VASP: variants seen among roughly 807,000 people sequenced by gnomAD.
VASP encodes the protein vasodilator stimulated phosphoprotein.
VASP carries 27 observed loss-of-function variants against 54.4 expected under a neutral mutation model. That is an observed-to-expected ratio of 0.50 (90% CI 0.37 to 0.68). VASP has a LOEUF of 0.68. Ranked by LOEUF, VASP falls within the 30% of genes least tolerant of loss-of-function variation. VASP has a pLI of 0.00. For missense variants in VASP, 488 were observed against 528.3 expected, an observed-to-expected ratio of 0.92 and a Z score of 0.75; for synonymous variants, 233 against 209.8, an observed-to-expected ratio of 1.11 and a Z score of -0.96.
chr19:45,518,362 G>A lies in VASP; in HGVS notation c.343+268G>A, dbSNP rs575305316. Among the ~76,000 whole-genome samples the A allele has an allele frequency of 5.3e-5, 8 of 152,242 alleles. No individual in the cohort carries two copies. The East Asian group carries it at 1.5e-3, about 29-fold the overall frequency. On this transcript the variant is annotated intron_variant, in intron 3 of 12. Transcript: ENST00000245932. ...GCACACGGATTACCTGAGGTCAGGA[G>A]TTTCACCGTGCCCAACATGGTGAAA...
rs61288703 is a variant in VASP at position 45,523,190 on chromosome 19, ATTTTTT to A, written c.821+397_821+402del. 1.1e-3 allele frequency among the ~76,000 whole-genome samples: 85 copies of A among 74,718 alleles called. 1 individual carries two copies. In the Middle Eastern group the frequency reaches 0.029, roughly 25 times the overall value. The allele number at this position is 74,718 out of a possible 152,430, so 49.0% of individuals were successfully genotyped here. A position where few individuals can be genotyped will look rare whatever the true frequency, so the allele number is the denominator to read the frequency against. On this transcript the variant is annotated intron_variant, in intron 7 of 12. Transcript: ENST00000245932. ...TGATTCTAGAACCACAATCTCTTGA[ATTTTTT>A]TTTTTTTTTTTTTTTTTTTTTTTTG...
chr19:45,521,906 T>C (rs576069340), intron 4 of VASP, among the ~76,000 whole-genome samples: 29 of 151,706 alleles, frequency 1.9e-4, no homozygotes, highest in Non-Finnish European at 4.3e-4. Flanking sequence ...AGAAAGAATC[T>C]TGGGCATTTT....
intron 11 of VASP, chr19:45,524,870 C>T (rs1432147688): frequency 7.9e-6 from 4 of 503,172 alleles, no homozygotes; most frequent in Non-Finnish European, 1.5e-5. Flanking sequence ...TCACCGCGCT[C>T]ATTCCAGATG....
At chr19:45,524,763 G>A (rs1568391252) in intron 11 of VASP, 103 bp downstream of exon 11, 4 of 1,175,322 alleles carry the variant, frequency 3.4e-6, no homozygotes, top group Non-Finnish European at 4.9e-6. Context: ...GAAACCTCAG[G>A]TTTCCAATCT....
intron 1 of VASP, among the ~76,000 whole-genome samples, chr19:45,509,395 C>G (rs1204617966): frequency 6.6e-6 from 1 of 152,174 alleles, no homozygotes; most frequent in Non-Finnish European, 1.5e-5. Flanking sequence ...CCCTCCACCC[C>G]CCCTCGCGTT....
intron 11 of VASP, among the ~76,000 whole-genome samples, chr19:45,525,627 G>A (rs1968944037): frequency 6.6e-6 from 1 of 152,106 alleles, no homozygotes; most frequent in Admixed American, 6.6e-5. Flanking sequence ...GAACCCGGGA[G>A]CCAGAGATTG....
At chr19:45,508,523 C>G (rs1968535539) in intron 1 of VASP, among the ~76,000 whole-genome samples, 1 of 152,146 alleles carries the variant, frequency 6.6e-6, no homozygotes. Flanking sequence ...CCCGGCTCCC[C>G]CACCTGCGCG....
Position 45,526,215 on chromosome 19 carries a change from C to T in VASP, c.*38C>T. 1.9e-6 allele frequency: 3 copies of T among 1,586,876 alleles called. No homozygotes were observed. Among genetic ancestry groups the T allele is most frequent in the Non-Finnish European group, 2.6e-6 (3 of 1,171,530 alleles). ...AGAAGACCCGCTTCTCCTTTCCGCACACCCGGCCTGTCACCCTGCTTTCCC... is the reference window on the plus strand; with the variant it reads ...AGAAGACCCGCTTCTCCTTTCCGCATACCCGGCCTGTCACCCTGCTTTCCC... On this transcript the variant is annotated 3_prime_UTR_variant, in exon 13 of 13. Coordinates refer to ENST00000245932, the MANE Select transcript of VASP (RefSeq NM_003370.4).
Position 45,522,727 on chromosome 19 carries a change from G to T in VASP, c.730G>T (p.Ala244Ser). The T allele has an allele frequency of 6.2e-7, 1 of 1,602,814 alleles. No homozygotes were observed. The highest frequency in any genetic ancestry group is 1.4e-5 in the African/African-American group (1 of 73,844). ...TTTTAAATTTCTCCAGCAGGAGGAGGCCTCAGGGGGGCCCACAGCCCCCAA... is the reference window on the plus strand; with the variant it reads ...TTTTAAATTTCTCCAGCAGGAGGAGTCCTCAGGGGGGCCCACAGCCCCCAA... ...KLRKVSKQEE[A>S]SGGPTAPKAE... Residue 244 changes from alanine to serine, a missense_variant, in exon 7 of 13, where the codon GCC becomes TCC. Physicochemically the swap from Ala to Ser is moderately conservative, Grantham distance 99 (BLOSUM62 1). Transcript: ENST00000245932.
intron 3 of VASP, among the ~76,000 whole-genome samples, chr19:45,518,914 C>T (rs1032058902): frequency 2.0e-5 from 3 of 152,248 alleles, no homozygotes; most frequent in African/African-American, 7.2e-5. Context: ...TCACTGCAAC[C>T]TCCACCTCCC....
At chr19:45,524,796 G>A in intron 11 of VASP, 136 bp downstream of exon 11, 1 of 837,688 alleles carries the variant, frequency 1.2e-6, no homozygotes, top group Non-Finnish European at 1.9e-6. Context: ...AACTGGATTG[G>A]GTCAAGGATG....
rs577239055 is a variant in VASP at position 45,509,039 on chromosome 19, C to A, written c.5+1263C>A. ...CCTGCCCCAAAGCCCCCAGCCTGAGCAGGGAGGCCCCTGGGGACGGTTGGG... is the reference window on the plus strand; with the variant it reads ...CCTGCCCCAAAGCCCCCAGCCTGAGAAGGGAGGCCCCTGGGGACGGTTGGG... On this transcript the variant is annotated intron_variant, in intron 1 of 12. Coordinates refer to ENST00000245932, the MANE Select transcript of VASP (RefSeq NM_003370.4). Among the ~76,000 whole-genome samples the A allele has an allele frequency of 1.3e-4, 20 of 152,348 alleles. No individual in the cohort carries two copies. In the South Asian group the frequency reaches 3.9e-3, roughly 30 times the overall value.
intron 1 of VASP, among the ~76,000 whole-genome samples, chr19:45,512,136 G>A (rs1764014720): frequency 6.6e-6 from 1 of 151,970 alleles, no homozygotes; most frequent in Admixed American, 6.6e-5. Context: ...CAGAGTGAGA[G>A]ACTCTGTCTC....
chr19:45,509,649 C>T lies in VASP; in HGVS notation c.5+1873C>T, dbSNP rs148186198. On this transcript the variant is annotated intron_variant, in intron 1 of 12. Coordinates refer to ENST00000245932, the MANE Select transcript of VASP (RefSeq NM_003370.4). ...GGGGTGGGGTGCGGTGCAGAAATGA[C>T]CAGATGCCTGTCCCACCAAAAGGCC... Among the ~76,000 whole-genome samples the T allele has an allele frequency of 4.4e-3, 669 of 152,252 alleles. 10 individuals carry two copies. Among genetic ancestry groups the T allele is most frequent in the African/African-American group, 0.016 (649 of 41,540 alleles).
intron 1 of VASP, among the ~76,000 whole-genome samples, chr19:45,510,762 G>A (rs1029415683): frequency 6.6e-5 from 10 of 151,984 alleles, no homozygotes; most frequent in South Asian, 2.1e-4. Context: ...GTGTAACCCC[G>A]TCTCTACAAA....
chr19:45,521,882 A>C lies in VASP; in HGVS notation c.429-286A>C, dbSNP rs545879715. On this transcript the variant is annotated intron_variant, in intron 4 of 12. Coordinates refer to ENST00000245932, the MANE Select transcript of VASP (RefSeq NM_003370.4). ...CCAGCCTGGGTGACAGAGTCTCAAA[A>C]AAAAAAAAAGAAAAGAAAGAATCTT... Among the ~76,000 whole-genome samples the C allele has an allele frequency of 1.1e-4, 16 of 151,948 alleles. No homozygotes were observed. In the South Asian group the frequency reaches 3.3e-3, roughly 32 times the overall value.
intron 1 of VASP, among the ~76,000 whole-genome samples, chr19:45,509,801 C>T (rs1968566093): frequency 6.6e-6 from 1 of 152,206 alleles, no homozygotes; most frequent in Admixed American, 6.5e-5. Flanking sequence ...GAAACTGAGG[C>T]TCAAAGAGAA....
chr19:45,521,383 G>A lies in VASP; in HGVS notation c.405G>A (p.Pro135=), dbSNP rs377658003. 3 of 1,573,694 alleles carry A rather than the reference G, an allele frequency of 1.9e-6. No homozygotes were observed. The highest frequency in any genetic ancestry group is 2.6e-6 in the Non-Finnish European group (3 of 1,159,624). The change falls in exon 4 of 13, where the codon CCG becomes CCA. Residue 135 remains proline, a synonymous_variant. Transcript: ENST00000245932. ...PTWSVPNGPS[P]EEVEQQKRQQ... ...GGTCGGTCCCGAACGGCCCCTCCCC[G>A]GAGGAGGTGGAGCAGCAGAAAAGGT...
At chr19:45,509,395 C>CG (rs1348081220) in intron 1 of VASP, among the ~76,000 whole-genome samples, 1 of 152,174 alleles carries the variant, frequency 6.6e-6, no homozygotes, top group Non-Finnish European at 1.5e-5. Flanking sequence ...CCCTCCACCC[C>CG]CCCTCGCGTT....
Sources: gnomAD v4.1 joint callset for allele counts (sites outside exome capture counted in the v4.1 genomes callset) on GRCh38, gnomAD v4.1.1 for gene constraint, MANE v1.5 for transcripts, NCBI Gene and HGNC (gene_info 2026-07-23, HGNC 2026-07-21) for gene names.